Variants in RNF130 observed in about 807,000 individuals in gnomAD.
RNF130 encodes the protein ring finger protein 130, also known as E3 ubiquitin-protein ligase RNF130.
In RNF130, 21 loss-of-function variants were observed where a neutral mutation model predicts 44.6. The observed-to-expected ratio is 0.47, with a 90% confidence interval of 0.33 to 0.68. The LOEUF (loss-of-function observed/expected upper bound fraction) is 0.68. Among genes scored for constraint, RNF130 ranks in the 30% least tolerant of loss-of-function variants. The pLI, the probability that RNF130 is intolerant of heterozygous loss-of-function variation, is 0.02. For synonymous variants in RNF130, 214 were observed against 210.4 expected (o/e 1.02, Z -0.15); for missense variants, 479 against 560.6 (o/e 0.85, Z 1.47).
chr5:179,921,358 T>C (rs955434351), intron 7 of RNF130, among the ~76,000 whole-genome samples: 1 of 152,250 alleles, frequency 6.6e-6, no homozygotes, highest in Non-Finnish European at 1.5e-5. Flanking sequence ...TTGCATAGTA[T>C]ATATTGGCTC....
exon 8 of RNF130, chr5:179,920,235 A>T: frequency 3.1e-6 from 2 of 652,468 alleles, no homozygotes; most frequent in East Asian, 5.5e-5. Context: ...ACGGATGCTG[A>T]CAGGAGAATA....
At chr5:179,968,865 T>C (rs917199150) in intron 6 of RNF130, among the ~76,000 whole-genome samples, 1 of 152,092 alleles carries the variant, frequency 6.6e-6, no homozygotes, top group Non-Finnish European at 1.5e-5. Context: ...CGGTCTACGA[T>C]GCACAGGACA....
At chr5:179,918,932 T>C (rs1561657482) in exon 8 of RNF130, 1 of 152,186 alleles carries the variant, frequency 6.6e-6, no homozygotes, top group Admixed American at 6.5e-5. Context: ...AAATGGCAAG[T>C]GTTCACTTCA....
chr5:179,952,688 G>GA (rs1316447357), downstream of RNF130, among the ~76,000 whole-genome samples: 5 of 152,152 alleles, frequency 3.3e-5, no homozygotes, highest in African/African-American at 1.2e-4. Context: ...TTCAATGTAA[G>GA]AAAATCAATG....
At chr5:179,950,813 C>A (rs1003882100), downstream of RNF130, among the ~76,000 whole-genome samples, 1 of 152,152 alleles carries the variant, frequency 6.6e-6, no homozygotes, top group Non-Finnish European at 1.5e-5. Context: ...TCCTACACCT[C>A]CTGATGTACT....
intron 1 of RNF130, among the ~76,000 whole-genome samples, chr5:180,044,866 G>A (rs1273077696): frequency 6.6e-6 from 1 of 152,054 alleles, no homozygotes; most frequent in African/African-American, 2.4e-5. Context: ...CATTCACTGA[G>A]GCATCATAAT....
intron 7 of RNF130, among the ~76,000 whole-genome samples, chr5:179,931,904 C>T (rs994922094): frequency 3.3e-5 from 5 of 152,296 alleles, no homozygotes; most frequent in East Asian, 1.9e-4. Context: ...GTGAACTTCC[C>T]GCCATATCCC....
At chr5:180,048,212 C>T (rs1052926314) in intron 1 of RNF130, among the ~76,000 whole-genome samples, 3 of 152,128 alleles carry the variant, frequency 2.0e-5, no homozygotes, top group Admixed American at 1.3e-4. Flanking sequence ...CAAGCAAAAC[C>T]TCTGCCTTGA....
At chr5:179,925,605 T>C (rs1271945180) in intron 7 of RNF130, among the ~76,000 whole-genome samples, 1 of 152,200 alleles carries the variant, frequency 6.6e-6, no homozygotes, top group Non-Finnish European at 1.5e-5. Context: ...CCTAGCTCAC[T>C]GCAGCGTCAA....
chr5:180,042,272 G>A (rs930101398), intron 1 of RNF130, among the ~76,000 whole-genome samples: 1 of 152,164 alleles, frequency 6.6e-6, no homozygotes, highest in East Asian at 1.9e-4. Flanking sequence ...CTATTGTGGT[G>A]AGAGACTGCA....
rs144411577 is a variant in RNF130, at chr5:180,013,194, G to A, written c.560C>T (p.Pro187Leu). The change falls in exon 3 of 9, where the codon CCG becomes CTG. Residue 187 changes from proline (P) to leucine (L), a missense_variant. By Grantham distance (98) the Pro-to-Leu change is moderately conservative. This residue lies in a region of RNF130 where 180 missense variants were observed against 275.1 expected (regional missense o/e 0.65). Transcript: ENST00000521389. ...MTIAVGTRMP[P>L]KNFSRGSLVF... ...TAGAGAGCCACGGCTGAAGTTCTTC[G>A]GTGGCATTCGAGTTCCAACAGCTAT... 2.8e-5 allele frequency: 45 copies of A among 1,613,992 alleles called. No homozygotes were observed. The highest frequency in any genetic ancestry group is 3.3e-5 in the Non-Finnish European group (39 of 1,180,038).
At chr5:180,052,304 C>T (rs1156757238) in intron 1 of RNF130, among the ~76,000 whole-genome samples, 1 of 152,222 alleles carries the variant, frequency 6.6e-6, no homozygotes, top group African/African-American at 2.4e-5. Flanking sequence ...AACTTATTAG[C>T]TTCCTCTCAC....
At chr5:180,055,254 AAAAAAAAAAAAAAAAAAAAAAAAAAAC>A (rs1375958724) in intron 1 of RNF130, among the ~76,000 whole-genome samples, 1 of 34,424 alleles carries the variant, frequency 2.9e-5, no homozygotes, top group African/African-American at 1.1e-4. Context: ...GTCTCAAAAA[AAAAAAAAAAAAAAAAAAAAAAAAAAAC>A]AAAAAAAAAC....
intron 2 of RNF130, among the ~76,000 whole-genome samples, chr5:180,022,178 G>A (rs1763889792): frequency 6.6e-6 from 1 of 152,166 alleles, no homozygotes; most frequent in Non-Finnish European, 1.5e-5. Context: ...ATTTGGTAAA[G>A]GTGATGTCCT....
chr5:179,949,126 C>T (rs961135665), intron 7 of RNF130, among the ~76,000 whole-genome samples: 82 of 152,064 alleles, frequency 5.4e-4, no homozygotes, highest in African/African-American at 1.8e-3. Context: ...CCACCACGCC[C>T]GGCTAATTTT....
At chr5:179,962,237 G>A (rs1249350660) in intron 8 of RNF130, among the ~76,000 whole-genome samples, 1 of 152,180 alleles carries the variant, frequency 6.6e-6, no homozygotes, top group East Asian at 1.9e-4. Context: ...TGACATCTGT[G>A]AGCCTCAACA....
At chr5:180,014,669 A>G (rs1406117477) in intron 2 of RNF130, among the ~76,000 whole-genome samples, 1 of 152,230 alleles carries the variant, frequency 6.6e-6, no homozygotes, top group Admixed American at 6.5e-5. Context: ...ATGCAGTCAC[A>G]GAAGACTACA....
chr5:180,023,209 AGAT>A (rs1763911290), intron 2 of RNF130, among the ~76,000 whole-genome samples: 1 of 152,242 alleles, frequency 6.6e-6, no homozygotes, highest in Admixed American at 6.5e-5. Flanking sequence ...ATATCAATGC[AGAT>A]GATTACAGAT....
chr5:180,021,189 A>G (rs1273433491), intron 2 of RNF130, among the ~76,000 whole-genome samples: 1 of 151,986 alleles, frequency 6.6e-6, no homozygotes, highest in East Asian at 1.9e-4. Flanking sequence ...AATGGTCTCA[A>G]TCACCTGATA....
Sources: gnomAD v4.1 joint callset for allele counts (sites outside exome capture counted in the v4.1 genomes callset) on GRCh38, gnomAD v4.1.1 for gene constraint, gnomAD v4.1.1 regional missense constraint, MANE v1.5 for transcripts, NCBI Gene and HGNC (gene_info 2026-07-23, HGNC 2026-07-21) for gene names.